The following CA10 variants were observed in gnomAD, a reference collection of about 807,000 sequenced individuals.
CA10 encodes the protein carbonic anhydrase 10 (inactive).
A neutral mutation model predicts 44.2 loss-of-function variants in CA10; 14 were observed. The observed-to-expected ratio is 0.32, with a 90% CI of 0.21 to 0.50. The LOEUF (loss-of-function observed/expected upper bound fraction) is 0.50, where lower values mean the gene tolerates loss of function less well. Among genes scored for constraint, CA10 ranks in the 20% least tolerant of loss-of-function variants. CA10 has a pLI of 0.99. For synonymous variants in CA10, 159 were observed against 141.6 expected, an observed-to-expected ratio of 1.12 and a Z score of -0.87; for missense variants, 350 against 409.7, an observed-to-expected ratio of 0.85 and a Z score of 1.26.
chr17:51,769,956 A>G (rs1242284465), intron 3 of CA10, among the ~76,000 whole-genome samples: 1 of 152,144 alleles, frequency 6.6e-6, no homozygotes, highest in Non-Finnish European at 1.5e-5. Context: ...CTCTGAGGCC[A>G]TAAAGTTGCT....
intron 6 of CA10, among the ~76,000 whole-genome samples, chr17:51,640,291 A>G (rs1275108246): frequency 1.3e-5 from 2 of 152,184 alleles, no homozygotes; most frequent in South Asian, 2.1e-4. Flanking sequence ...AAGAGACGAC[A>G]TCATTTATCA....
chr17:51,666,354 A>G (rs1028135183), intron 4 of CA10, among the ~76,000 whole-genome samples: 3 of 152,210 alleles, frequency 2.0e-5, no homozygotes, highest in Non-Finnish European at 4.4e-5. Flanking sequence ...AGACCCTGGT[A>G]AGAATATTGT....
intron 1 of CA10, among the ~76,000 whole-genome samples, chr17:52,123,471 C>T (rs545165603): frequency 6.6e-6 from 1 of 151,538 alleles, no homozygotes; most frequent in Non-Finnish European, 1.5e-5. Context: ...GACCTAAGGA[C>T]CTCCTATGTA....
At chr17:51,834,659 T>C (rs1467950545) in intron 3 of CA10, among the ~76,000 whole-genome samples, 1 of 152,174 alleles carries the variant, frequency 6.6e-6, no homozygotes, top group Non-Finnish European at 1.5e-5. Context: ...GGTGACAAAG[T>C]AATAAGGCTT....
At chr17:52,103,072 T>C (rs1285680177) in intron 1 of CA10, among the ~76,000 whole-genome samples, 1 of 152,166 alleles carries the variant, frequency 6.6e-6, no homozygotes, top group Non-Finnish European at 1.5e-5. Context: ...AAGGTAATCA[T>C]GAGAATAACC....
intron 6 of CA10, 28 bp downstream of exon 6, chr17:51,649,154 G>C: frequency 6.5e-7 from 1 of 1,527,562 alleles, no homozygotes; most frequent in Non-Finnish European, 9.1e-7. Flanking sequence ...TAGAATAGTT[G>C]CTGTGGAGGA....
intron 2 of CA10, among the ~76,000 whole-genome samples, chr17:52,037,033 G>A (rs1170847553): frequency 6.6e-6 from 1 of 152,126 alleles, no homozygotes; most frequent in Non-Finnish European, 1.5e-5. Flanking sequence ...TATAATTGAA[G>A]GAGGAGAGAA....
chr17:51,635,950 A>G lies in CA10; in HGVS notation c.694T>C (p.Phe232Leu). 1 of 1,609,338 alleles carries G rather than the reference A, an allele frequency of 6.2e-7. No homozygotes were observed. Among genetic ancestry groups the G allele is most frequent in the Non-Finnish European group, 8.5e-7 (1 of 1,176,636 alleles). ...GTCATCGACCCATCGTAAGTGATGA[A>G]ACTAGAGGTCTCTGGATATAGTTCC... ...IEELYPETSS[F>L]ITYDGSMTIP... Residue 232 changes from phenylalanine (F) to leucine (L), a missense_variant, in exon 7 of 9, where the codon TTC (phenylalanine) becomes CTC (leucine). Transcript: ENST00000451037.
chr17:51,821,843 TTC>T lies in CA10; in HGVS notation c.280-74027_280-74026del, dbSNP rs1907814375. Among the ~76,000 whole-genome samples, 6 of 152,296 alleles carry T rather than the reference TTC, an allele frequency of 3.9e-5. No homozygotes were observed. In the South Asian group the frequency reaches 1.2e-3, roughly 32 times the overall value. ...CAGAAGACCTAAGTTTGACTCCCGA[TTC>T]TGTTATCTATTGGCTGTGACCTTTG... On this transcript the variant is annotated intron_variant, in intron 3 of 8. Transcript: ENST00000451037.
chr17:51,914,890 C>G (rs1981931393), intron 3 of CA10, among the ~76,000 whole-genome samples: 1 of 152,162 alleles, frequency 6.6e-6, no homozygotes, highest in African/African-American at 2.4e-5. Flanking sequence ...GTTTGTAAAA[C>G]TGGCCATCTG....
intron 3 of CA10, among the ~76,000 whole-genome samples, chr17:51,837,225 T>C (rs202133): frequency 0.76 from 115,736 of 151,988 alleles, 44,713 homozygotes; most frequent in African/African-American, 0.89. Context: ...AAGGCAAAAC[T>C]GAGTTAGCGG....
At chr17:51,677,994 A>T (rs1207207116) in intron 4 of CA10, among the ~76,000 whole-genome samples, 1 of 152,106 alleles carries the variant, frequency 6.6e-6, no homozygotes. Context: ...AACAACCCAA[A>T]TGTCCATCAA....
intron 2 of CA10, among the ~76,000 whole-genome samples, chr17:52,031,431 T>C (rs1256439250): frequency 6.6e-6 from 1 of 152,162 alleles, no homozygotes; most frequent in East Asian, 1.9e-4. Context: ...ATTACAGGTG[T>C]GAGCCACTGT....
At chr17:51,998,001 G>A (rs1985295874) in intron 2 of CA10, among the ~76,000 whole-genome samples, 1 of 152,052 alleles carries the variant, frequency 6.6e-6, no homozygotes, top group Non-Finnish European at 1.5e-5. Context: ...AGAAACATAT[G>A]GGGATCATGG....
intron 3 of CA10, among the ~76,000 whole-genome samples, chr17:51,893,503 G>C (rs1980947436): frequency 6.6e-6 from 1 of 152,166 alleles, no homozygotes; most frequent in African/African-American, 2.4e-5. Flanking sequence ...CTACCAAAGA[G>C]AGTCTGGTTT....
intron 3 of CA10, among the ~76,000 whole-genome samples, chr17:51,817,376 G>T (rs1272505392): frequency 6.6e-6 from 1 of 152,182 alleles, no homozygotes; most frequent in Admixed American, 6.6e-5. Context: ...TAAAATATTT[G>T]TCTCTTTAAG....
At chr17:51,717,734 T>C (rs1291738389) in intron 4 of CA10, among the ~76,000 whole-genome samples, 2 of 49,616 alleles carry the variant, frequency 4.0e-5, no homozygotes, top group African/African-American at 1.5e-4. Flanking sequence ...TATACATATA[T>C]ACGTATATAT....
At chr17:52,003,810 C>T (rs1346436237) in intron 2 of CA10, among the ~76,000 whole-genome samples, 8 of 151,842 alleles carry the variant, frequency 5.3e-5, no homozygotes, top group Admixed American at 6.6e-5. Context: ...TCAGCTTTTA[C>T]TTTGTTTTGA....
Position 51,722,934 on chromosome 17 carries a change from G to C in CA10, c.465+24699C>G, listed in dbSNP as rs190795112. ...CTTTCTCCTTTGGTTATATCATCTA[G>C]GCCCCCAGTGCAGATTTTCTTCATA... On this transcript the variant is annotated intron_variant, in intron 4 of 8. Transcript: ENST00000451037. Among the ~76,000 whole-genome samples the C allele has an allele frequency of 1.8e-4, 28 of 152,238 alleles. No homozygotes were observed. The East Asian group carries it at 5.2e-3, about 28-fold the overall frequency.
Sources: gnomAD v4.1 joint callset for allele counts (sites outside exome capture counted in the v4.1 genomes callset) on GRCh38, gnomAD v4.1.1 for gene constraint, MANE v1.5 for transcripts, NCBI Gene and HGNC (gene_info 2026-07-23, HGNC 2026-07-21) for gene names.